Variants in PPP2R2B observed in about 807,000 individuals in gnomAD.
PPP2R2B encodes protein phosphatase 2 regulatory subunit Bbeta.
PPP2R2B carries 5 observed loss-of-function variants against 46.0 expected under a neutral mutation model. The observed-to-expected ratio is 0.11, with a 90% CI of 0.06 to 0.23. The LOEUF is 0.23. Ranked by LOEUF, PPP2R2B falls within the 10% of genes least tolerant of loss-of-function variation. The pLI is 1.00. For missense variants in PPP2R2B, 367 were observed against 575.0 expected, an observed-to-expected ratio of 0.64 and a Z score of 3.70; for synonymous variants, 215 against 206.7, an observed-to-expected ratio of 1.04 and a Z score of -0.34.
At chr5:146,996,686 G>A (rs985333318) in intron 1 of PPP2R2B, among the ~76,000 whole-genome samples, 2 of 152,174 alleles carry the variant, frequency 1.3e-5, no homozygotes, top group Non-Finnish European at 2.9e-5. Flanking sequence ...TGGAAAGGAA[G>A]AAACTACTGA....
chr5:146,728,345 T>C (rs1285458030), intron 2 of PPP2R2B, among the ~76,000 whole-genome samples: 4 of 152,160 alleles, frequency 2.6e-5, no homozygotes, highest in South Asian at 2.1e-4. Context: ...CTTTTCCCCA[T>C]GTTTAGTAAT....
intron 5 of PPP2R2B, among the ~76,000 whole-genome samples, chr5:146,661,442 A>G (rs1387964765): frequency 6.6e-6 from 1 of 152,112 alleles, no homozygotes; most frequent in East Asian, 1.9e-4. Flanking sequence ...ATACAAAGAT[A>G]TATACATATA....
chr5:147,026,058 G>A (rs993262199), intron 1 of PPP2R2B, among the ~76,000 whole-genome samples: 2 of 152,040 alleles, frequency 1.3e-5, no homozygotes, highest in Non-Finnish European at 2.9e-5. Flanking sequence ...AATCACTGTA[G>A]AAAACAATTT....
intron 2 of PPP2R2B, among the ~76,000 whole-genome samples, chr5:146,813,798 G>A (rs1236992362): frequency 6.6e-6 from 1 of 152,102 alleles, no homozygotes; most frequent in Non-Finnish European, 1.5e-5. Context: ...AAGGAAAACT[G>A]GTGAAAGAAA....
At chr5:146,899,729 C>T (rs1159688426) in intron 1 of PPP2R2B, among the ~76,000 whole-genome samples, 1 of 151,934 alleles carries the variant, frequency 6.6e-6, no homozygotes, top group Non-Finnish European at 1.5e-5. Flanking sequence ...ATAGAAGTAT[C>T]AGGAAGAATT....
At position 146,877,988 on chromosome 5, in the gene PPP2R2B, G is replaced by T; in HGVS notation, c.70+14C>A. On this transcript the variant is annotated intron_variant, in intron 2 of 9. Transcript: ENST00000394411. ...CCCGGCCCCAACGGCGGAATGCGGC[G>T]GGGCTGGCGTTACCTTCGGTCGCAT... 6.2e-7 allele frequency: 1 copy of T among 1,607,832 alleles called. No individual in the cohort carries two copies. Among genetic ancestry groups the T allele is most frequent in the Non-Finnish European group, 8.5e-7 (1 of 1,175,788 alleles).
chr5:146,935,015 T>G (rs1441423840), intron 1 of PPP2R2B, among the ~76,000 whole-genome samples: 1 of 152,226 alleles, frequency 6.6e-6, no homozygotes, highest in Non-Finnish European at 1.5e-5. Context: ...TTATTTTCCC[T>G]ACAATTATGT....
intron 2 of PPP2R2B, among the ~76,000 whole-genome samples, chr5:146,792,374 A>G (rs771954729): frequency 2.8e-4 from 43 of 152,202 alleles, no homozygotes; most frequent in Non-Finnish European, 5.1e-4. Context: ...CACATTGTTC[A>G]TGCATTCATC....
chr5:146,773,321 G>C (rs1383910011), intron 2 of PPP2R2B, among the ~76,000 whole-genome samples: 1 of 152,158 alleles, frequency 6.6e-6, no homozygotes, highest in Non-Finnish European at 1.5e-5. Flanking sequence ...ATATAATTCT[G>C]GGGAGCTGGT....
At chr5:146,811,743 T>C (rs1757562476) in intron 2 of PPP2R2B, among the ~76,000 whole-genome samples, 1 of 149,448 alleles carries the variant, frequency 6.7e-6, no homozygotes, top group Non-Finnish European at 1.5e-5. Context: ...TTTTTTTTTT[T>C]TTTTCAGTAG....
At position 146,786,004 on chromosome 5, in the gene PPP2R2B, T is replaced by C. The variant is rs1168767977; in HGVS notation, c.71-84862A>G. On this transcript the variant is annotated intron_variant, in intron 2 of 9. Coordinates refer to ENST00000394411, the MANE Select transcript of PPP2R2B (RefSeq NM_181675.4). ...CTACAGTTATCAATAATTTGTTATA[T>C]ATTTAAAAATAGCTAAGAGAGAAGA... 2.6e-5 allele frequency among the ~76,000 whole-genome samples: 4 copies of C among 152,146 alleles called. No homozygotes were observed. The South Asian group carries it at 6.2e-4, about 24-fold the overall frequency.
chr5:147,056,696 G>A (rs1363147875), upstream of PPP2R2B, among the ~76,000 whole-genome samples: 7 of 152,180 alleles, frequency 4.6e-5, no homozygotes, highest in African/African-American at 1.7e-4. Context: ...AGAGACAGAG[G>A]CAGAGACAGA....
At position 146,732,564 on chromosome 5, in the gene PPP2R2B, C is replaced by T. The variant is rs73320075; in HGVS notation, c.71-31422G>A. ...GTAGAACAAACCTGGAAGTGAATTC[C>T]AGTTGAAACCATGCTCATGGTAAAA... On this transcript the variant is annotated intron_variant, in intron 2 of 9. Transcript: ENST00000394411. Among the ~76,000 whole-genome samples, 537 of 152,272 alleles carry T rather than the reference C, an allele frequency of 3.5e-3. 6 individuals are homozygous for T. Among genetic ancestry groups the T allele is most frequent in the African/African-American group, 0.012 (512 of 41,540 alleles).
chr5:146,642,773 A>G (rs1012694401), intron 6 of PPP2R2B, among the ~76,000 whole-genome samples: 3 of 152,210 alleles, frequency 2.0e-5, no homozygotes, highest in African/African-American at 7.2e-5. Flanking sequence ...AAAAAATCTT[A>G]GGGCCACGCA....
chr5:146,701,365 A>G (rs1779527870), intron 2 of PPP2R2B: 3 of 669,360 alleles, frequency 4.5e-6, no homozygotes, highest in Non-Finnish European at 8.0e-6. Flanking sequence ...GAACATCTGG[A>G]GAGAATAAAA....
intron 7 of PPP2R2B, among the ~76,000 whole-genome samples, chr5:146,604,606 C>A (rs1241192776): frequency 6.6e-6 from 1 of 152,084 alleles, no homozygotes; most frequent in Non-Finnish European, 1.5e-5. Flanking sequence ...TCTTGGAGAC[C>A]CCAATAGTAA....
At chr5:147,049,620 A>T (rs929016330) in intron 1 of PPP2R2B, among the ~76,000 whole-genome samples, 4 of 152,200 alleles carry the variant, frequency 2.6e-5, no homozygotes, top group Non-Finnish European at 5.9e-5. Context: ...GGAAGATGAT[A>T]AGGAAGCAGC....
At chr5:146,955,968 G>C (rs978477183) in intron 1 of PPP2R2B, among the ~76,000 whole-genome samples, 1 of 151,412 alleles carries the variant, frequency 6.6e-6, no homozygotes, top group Non-Finnish European at 1.5e-5. Flanking sequence ...TAATAGAGAT[G>C]GGGTTTCACC....
chr5:146,993,897 A>T (rs1479075056), intron 1 of PPP2R2B, among the ~76,000 whole-genome samples: 1 of 152,092 alleles, frequency 6.6e-6, no homozygotes, highest in African/African-American at 2.4e-5. Flanking sequence ...CTGTTCTCTA[A>T]GGATCCAGAA....
Sources: gnomAD v4.1 joint callset for allele counts (sites outside exome capture counted in the v4.1 genomes callset) on GRCh38, gnomAD v4.1.1 for gene constraint, MANE v1.5 for transcripts, NCBI Gene and HGNC (gene_info 2026-07-23, HGNC 2026-07-21) for gene names.